Variants in DPP10 observed in about 807,000 individuals in gnomAD.
DPP10 encodes dipeptidyl peptidase like 10.
DPP10 carries 33 observed loss-of-function variants against 120.9 expected under a neutral mutation model. The observed-to-expected ratio is 0.27, with a 90% confidence interval of 0.21 to 0.37. DPP10 has a LOEUF of 0.37. Ranked by LOEUF, DPP10 falls within the 10% of genes least tolerant of loss-of-function variation. The pLI is 1.00. For missense variants in DPP10, 816 were observed against 942.8 expected, an observed-to-expected ratio of 0.87 and a Z score of 1.76; for synonymous variants, 337 against 326.1, an observed-to-expected ratio of 1.03 and a Z score of -0.36.
chr2:114,897,097 T>C (rs1280934722), intron 1 of DPP10, among the ~76,000 whole-genome samples: 5 of 152,176 alleles, frequency 3.3e-5, no homozygotes, highest in Non-Finnish European at 7.3e-5. Context: ...CACTTGATCA[T>C]GGTGGATAAG....
intron 3 of DPP10, among the ~76,000 whole-genome samples, chr2:115,452,615 C>T (rs2073196226): frequency 6.6e-6 from 1 of 151,920 alleles, no homozygotes; most frequent in Admixed American, 6.6e-5. Context: ...ATTTCCCAGT[C>T]TTTCTGACTT....
At chr2:115,746,052 A>C in intron 9 of DPP10, 34 bp from the exon 10 acceptor site, 1 of 1,443,624 alleles carries the variant, frequency 6.9e-7, no homozygotes, top group Non-Finnish European at 9.6e-7. Context: ...CTAATGCTTA[A>C]TGTACTTGCA....
intron 1 of DPP10, among the ~76,000 whole-genome samples, chr2:114,858,630 G>T (rs1689556186): frequency 6.6e-6 from 1 of 152,128 alleles, no homozygotes. Flanking sequence ...AGAGTTTCAT[G>T]ATCCATTGAA....
At chr2:115,198,855 A>G (rs2055483172) in intron 1 of DPP10, among the ~76,000 whole-genome samples, 1 of 152,198 alleles carries the variant, frequency 6.6e-6, no homozygotes, top group Non-Finnish European at 1.5e-5. Context: ...AGTGCTTACC[A>G]TCATTATTGC....
intron 3 of DPP10, among the ~76,000 whole-genome samples, chr2:115,378,758 T>C (rs2066025412): frequency 6.6e-6 from 1 of 152,220 alleles, no homozygotes; most frequent in South Asian, 2.1e-4. Flanking sequence ...ATTTTTAGCA[T>C]GAAGCGTTGT....
intron 1 of DPP10, among the ~76,000 whole-genome samples, chr2:114,865,553 G>A (rs1333183621): frequency 6.6e-6 from 1 of 152,152 alleles, no homozygotes; most frequent in Non-Finnish European, 1.5e-5. Context: ...AACATGTGGA[G>A]CAACAGGTTC....
chr2:115,441,961 G>A (rs562090972), intron 3 of DPP10, among the ~76,000 whole-genome samples: 8 of 151,512 alleles, frequency 5.3e-5, no homozygotes, highest in South Asian at 2.1e-4. Context: ...GCCTACGGGC[G>A]CACCACCATG....
intron 1 of DPP10, among the ~76,000 whole-genome samples, chr2:114,729,555 A>G (rs746815702): frequency 2.6e-5 from 4 of 152,212 alleles, no homozygotes; most frequent in Non-Finnish European, 5.9e-5. Flanking sequence ...GGTCCCCACA[A>G]CTGAAACATC....
At chr2:115,122,574 C>T (rs563056236) in intron 1 of DPP10, among the ~76,000 whole-genome samples, 3 of 152,178 alleles carry the variant, frequency 2.0e-5, no homozygotes, top group East Asian at 1.9e-4. Context: ...GGCAATGAGC[C>T]GAGACACATC....
At chr2:115,017,860 G>C (rs1479937578) in intron 1 of DPP10, among the ~76,000 whole-genome samples, 1 of 151,796 alleles carries the variant, frequency 6.6e-6, no homozygotes, top group Non-Finnish European at 1.5e-5. Context: ...TTGTGGGGTG[G>C]GGGGAGTGGG....
chr2:115,022,950 CAGA>C (rs1703183858), intron 1 of DPP10, among the ~76,000 whole-genome samples: 1 of 152,038 alleles, frequency 6.6e-6, no homozygotes, highest in Non-Finnish European at 1.5e-5. Flanking sequence ...AAGCCACATG[CAGA>C]AGAATGAAAC....
intron 4 of DPP10, among the ~76,000 whole-genome samples, chr2:115,520,907 T>G (rs1472322520): frequency 6.6e-6 from 1 of 152,158 alleles, no homozygotes; most frequent in Non-Finnish European, 1.5e-5. Context: ...AATAGGGACA[T>G]TACCGTGGCA....
intron 5 of DPP10, among the ~76,000 whole-genome samples, chr2:115,624,745 C>T (rs1230504141): frequency 6.6e-6 from 1 of 152,154 alleles, no homozygotes; most frequent in Non-Finnish European, 1.5e-5. Context: ...AATGAAGAAA[C>T]ATCTGTTAGA....
chr2:115,693,262 A>T (rs11123318), intron 7 of DPP10, among the ~76,000 whole-genome samples: 1 of 152,004 alleles, frequency 6.6e-6, no homozygotes, highest in Non-Finnish European at 1.5e-5. Flanking sequence ...GGTAAATATG[A>T]ATGTGCAGGG....
chr2:114,446,353 T>G (rs1407410220), intron 1 of DPP10, among the ~76,000 whole-genome samples: 1 of 152,206 alleles, frequency 6.6e-6, no homozygotes, highest in African/African-American at 2.4e-5. Context: ...GTGTCTAAAA[T>G]GAGTAGAGAA....
At chr2:114,869,519 C>G (rs187680417) in intron 1 of DPP10, among the ~76,000 whole-genome samples, 1 of 152,262 alleles carries the variant, frequency 6.6e-6, no homozygotes, top group East Asian at 1.9e-4. Flanking sequence ...CTCAAGTCCA[C>G]TGGCACCATT....
chr2:114,664,212 A>G (rs549247680), intron 1 of DPP10, among the ~76,000 whole-genome samples: 1 of 152,102 alleles, frequency 6.6e-6, no homozygotes, highest in South Asian at 2.1e-4. Context: ...TTACAGTTAA[A>G]TTCTGAACTC....
At chr2:115,287,098 T>A (rs1574300154) in intron 1 of DPP10, among the ~76,000 whole-genome samples, 1 of 152,020 alleles carries the variant, frequency 6.6e-6, no homozygotes, top group East Asian at 1.9e-4. Flanking sequence ...ACTGTAGAGT[T>A]AACATTCTTG....
Position 114,679,861 on chromosome 2 carries a change from G to A in DPP10, c.60+237023G>A, listed in dbSNP as rs902460291. ...ACTTCTACTACAGTACCCTTATGGA[G>A]CAAGGACTGGAGCTTCAGCATAGAA... is the stretch of plus-strand genomic sequence containing the variant. On this transcript the variant is annotated intron_variant, in intron 1 of 25. Coordinates refer to ENST00000410059, the MANE Select transcript of DPP10 (RefSeq NM_020868.6). 2.6e-5 allele frequency among the ~76,000 whole-genome samples: 4 copies of A among 151,924 alleles called. No individual in the cohort carries two copies. The East Asian group carries it at 5.8e-4, about 22-fold the overall frequency.
Sources: allele counts gnomAD v4.1 joint callset (sites outside exome capture counted in the v4.1 genomes callset), GRCh38; gene constraint gnomAD v4.1.1; transcripts MANE v1.5; gene names NCBI Gene and HGNC (gene_info 2026-07-23, HGNC 2026-07-21).